PIK3R6: variants seen among roughly 807,000 people sequenced by gnomAD.
PIK3R6 encodes phosphoinositide 3-kinase regulatory subunit 6.
PIK3R6 carries 91 observed loss-of-function variants against 84.9 expected under a neutral mutation model. The ratio of observed to expected loss-of-function variants is 1.07; its 90% CI spans 0.90 to 1.28. PIK3R6 has a LOEUF of 1.28. Ranked by LOEUF, PIK3R6 falls within the 50% of genes most tolerant of loss-of-function variation. The probability of loss-of-function intolerance (pLI) is 0.00; values close to 1 mark genes in which losing one functional copy is unlikely to be tolerated. For synonymous variants in PIK3R6, 416 were observed against 411.4 expected, an observed-to-expected ratio of 1.01 and a Z score of -0.13; for missense variants, 996 against 985.1, an observed-to-expected ratio of 1.01 and a Z score of -0.15.
intron 1 of PIK3R6, among the ~76,000 whole-genome samples, chr17:8,851,766 A>C (rs995330032): frequency 6.6e-6 from 1 of 152,240 alleles, no homozygotes; most frequent in African/African-American, 2.4e-5. Flanking sequence ...TTTTAGGTAA[A>C]GACCCAAACG....
rs75735101 is a variant in PIK3R6 at position 8,834,776 on chromosome 17, T to G, written c.645+497A>C. 9.9e-5 allele frequency among the ~76,000 whole-genome samples: 15 copies of G among 152,220 alleles called. No individual in the cohort carries two copies. The East Asian group carries it at 2.9e-3, about 29-fold the overall frequency. On this transcript the variant is annotated intron_variant, in intron 8 of 19. Coordinates refer to ENST00000619866, the MANE Select transcript of PIK3R6 (RefSeq NM_001010855.4). Reference sequence around the variant, plus strand: ...CTGTTGTGGTGACCCAGATTCCTGCTTTCGGGGCTGAGACACTCATTCACC... The same window carrying G: ...CTGTTGTGGTGACCCAGATTCCTGCGTTCGGGGCTGAGACACTCATTCACC...
chr17:8,827,534 G>C (rs1408632325), intron 12 of PIK3R6, among the ~76,000 whole-genome samples: 2 of 152,174 alleles, frequency 1.3e-5, no homozygotes, highest in Non-Finnish European at 2.9e-5. Context: ...AAAGGGGAGA[G>C]ACAAGTATGG....
intron 2 of PIK3R6, among the ~76,000 whole-genome samples, chr17:8,845,716 G>A (rs148019268): frequency 6.6e-6 from 1 of 152,140 alleles, no homozygotes; most frequent in African/African-American, 2.4e-5. Context: ...GGAGGCAGAG[G>A]GGGGCAGATC....
chr17:8,839,076 C>T lies in PIK3R6; in HGVS notation c.98-421G>A, dbSNP rs550651275. Among the ~76,000 whole-genome samples the T allele has an allele frequency of 5.9e-5, 9 of 152,112 alleles. No individual in the cohort carries two copies. The South Asian group carries it at 1.5e-3, about 25-fold the overall frequency. ...ACAAAGAGGGTGGCAGGCCGGGTGC[C>T]GTGGCTCATGCCTGCAATCCCAGCA... On this transcript the variant is annotated intron_variant, in intron 3 of 19. Coordinates refer to ENST00000619866, the MANE Select transcript of PIK3R6 (RefSeq NM_001010855.4). The surrounding 1 kb of genome is among the most constrained non-coding windows in gnomAD (Gnocchi z 4.2).
rs1205605636 is a variant in PIK3R6 at position 8,803,563 on chromosome 17, G to C, written c.2109-134C>G. 1 of 880,350 alleles carries C rather than the reference G, an allele frequency of 1.1e-6. No individual in the cohort carries two copies. The highest frequency in any genetic ancestry group is 1.7e-6 in the Non-Finnish European group (1 of 599,364). The allele number at this position is 880,350 out of a possible 1,614,324, so 54.5% of individuals were successfully genotyped here. ...GCATAGAGGAGGCGGCTACACAGAA[G>C]AAAGAGGAAGAGTCAGGACAAGAAA... On this transcript the variant is annotated intron_variant, in intron 19 of 19. Coordinates refer to ENST00000619866, the MANE Select transcript of PIK3R6 (RefSeq NM_001010855.4). This position sits in a 1 kb window ranked among gnomAD's most constrained non-coding sequence, Gnocchi z 5.0.
Position 8,839,710 on chromosome 17 carries a change from A to AG in PIK3R6, c.14-14dup. The stretch of plus-strand genomic sequence containing the variant: ...TCCAGCTCCACATCTGGGCAGTGGT[A>AG]GGGGTGGGAGGAAACTCAGTCCACT... On this transcript the variant is annotated splice_polypyrimidine_tract_variant and intron_variant, in intron 2 of 19. Transcript: ENST00000619866. The surrounding 1 kb of genome is among the most constrained non-coding windows in gnomAD (Gnocchi z 4.2). The AG allele has an allele frequency of 6.4e-7, 1 of 1,557,534 alleles. No individual in the cohort carries two copies. Among genetic ancestry groups the AG allele is most frequent in the Non-Finnish European group, 8.7e-7 (1 of 1,149,448 alleles).
intron 1 of PIK3R6, among the ~76,000 whole-genome samples, chr17:8,855,762 T>C (rs2089123685): frequency 1.3e-5 from 2 of 152,382 alleles, no homozygotes; most frequent in Admixed American, 1.3e-4. Flanking sequence ...ACAGCCGTTC[T>C]GGAAAACAGT....
chr17:8,815,491 T>G (rs2087502635), intron 18 of PIK3R6, among the ~76,000 whole-genome samples: 1 of 145,604 alleles, frequency 6.9e-6, no homozygotes, highest in African/African-American at 2.6e-5. Context: ...GGCAACAGAG[T>G]GAGACTCAGT....
At chr17:8,824,628 A>G (rs2087858932) in intron 13 of PIK3R6, among the ~76,000 whole-genome samples, 1 of 152,198 alleles carries the variant, frequency 6.6e-6, no homozygotes, top group Non-Finnish European at 1.5e-5. Context: ...GGCCATTCAA[A>G]TTGTTAATTA....
intron 3 of PIK3R6, 33 bp from the exon 4 acceptor site, chr17:8,838,688 C>T (rs1302124343): frequency 3.9e-6 from 6 of 1,552,642 alleles, no homozygotes; most frequent in South Asian, 2.4e-5. Context: ...CCGGCATGAG[C>T]AGGTGGGCAG....
Position 8,827,404 on chromosome 17 carries a change from G to A in PIK3R6, c.1393-110C>T, listed in dbSNP as rs1045567531. Reference sequence around the variant, plus strand: ...ATGGTCAAGTCATTTAACCTCTTGGGGCATGAATTTCTGCATGTGAAGACA... The same window carrying A: ...ATGGTCAAGTCATTTAACCTCTTGGAGCATGAATTTCTGCATGTGAAGACA... On this transcript the variant is annotated intron_variant, in intron 12 of 19. Transcript: ENST00000619866. 4 of 1,282,070 alleles carry A rather than the reference G, an allele frequency of 3.1e-6. No individual in the cohort carries two copies. The African/African-American group carries it at 6.0e-5, about 19-fold the overall frequency. 79.4% of individuals were successfully genotyped at this position (1,282,070 alleles called of 1,614,324 possible). A position where few individuals can be genotyped will look rare whatever the true frequency, so the allele number is the denominator to read the frequency against.
At position 8,819,689 on chromosome 17, in the gene PIK3R6, T is replaced by TATAC. The variant is rs374733654; in HGVS notation, c.1880-492_1880-491insGTAT. On this transcript the variant is annotated intron_variant, in intron 17 of 19. Transcript: ENST00000619866. ...TTTTGTGCATATATATATATATATA[T>TATAC]ACACACACACACACACACATATATA... is the stretch of plus-strand genomic sequence containing the variant. Among the ~76,000 whole-genome samples, 110 of 135,876 alleles carry TATAC rather than the reference T, an allele frequency of 8.1e-4. 1 individual carries two copies. In the East Asian group the frequency reaches 0.014, roughly 18 times the overall value. 89.1% of individuals were successfully genotyped at this position (135,876 alleles called of 152,430 possible).
rs1469094068 is a variant in PIK3R6, at chr17:8,854,234, C to T, written c.-91-4349G>A. The stretch of plus-strand genomic sequence containing the variant: ...CGTGATCTTGGCTCACTGCAACCTC[C>T]GCCTCCTGGGTTCAAGCAATTCTCC... On this transcript the variant is annotated intron_variant, in intron 1 of 19. Transcript: ENST00000619866. Among the ~76,000 whole-genome samples, 15 of 152,098 alleles carry T rather than the reference C, an allele frequency of 9.9e-5. No homozygotes were observed. In the South Asian group the frequency reaches 2.3e-3, roughly 23 times the overall value.
intron 10 of PIK3R6, among the ~76,000 whole-genome samples, chr17:8,829,256 T>C (rs1328698856): frequency 1.3e-5 from 2 of 148,270 alleles, no homozygotes; most frequent in African/African-American, 5.0e-5. Context: ...CATGCACGCA[T>C]ACACACACAG....
At chr17:8,812,474 C>T (rs2087388043) in intron 18 of PIK3R6, among the ~76,000 whole-genome samples, 1 of 152,206 alleles carries the variant, frequency 6.6e-6, no homozygotes, top group Admixed American at 6.5e-5. Context: ...GCACATGGAA[C>T]ATTCTCAAAA....
intron 2 of PIK3R6, among the ~76,000 whole-genome samples, chr17:8,843,195 C>T (rs761050715): frequency 6.6e-6 from 1 of 152,214 alleles, no homozygotes; most frequent in East Asian, 1.9e-4. Context: ...TATGCATTTC[C>T]ACCTTGCATG....
chr17:8,833,142 C>T (rs71371873), intron 8 of PIK3R6, 97 bp from the exon 9 acceptor site: 181,153 of 1,421,074 alleles, frequency 0.13, 13,787 homozygotes, highest in East Asian at 0.37. Context: ...CCCAAGGTGA[C>T]ACCTCTCCGC....
intron 2 of PIK3R6, among the ~76,000 whole-genome samples, chr17:8,843,987 G>A (rs981171099): frequency 6.6e-6 from 1 of 152,196 alleles, no homozygotes; most frequent in African/African-American, 2.4e-5. Context: ...GAGTGGCCCA[G>A]CCCAAGGGTG....
In PIK3R6 at chr17:8,837,872, C is replaced by T. The variant is rs570386804; in HGVS notation, c.190-1G>A. ...CATGCCGGAGGTCCTGGCTTTCCGC[C>T]TGGAAAACAGGAGATCACGTGACAG... On this transcript the variant is annotated splice_acceptor_variant, in intron 4 of 19. Coordinates refer to ENST00000619866, the MANE Select transcript of PIK3R6 (RefSeq NM_001010855.4). LOFTEE classifies it high-confidence loss of function. 2.5e-5 allele frequency: 40 copies of T among 1,613,488 alleles called. No homozygotes were observed. In the South Asian group the frequency reaches 4.0e-4, roughly 16 times the overall value.
Sources: gnomAD v4.1 joint callset for allele counts (sites outside exome capture counted in the v4.1 genomes callset) on GRCh38, gnomAD v4.1.1 for gene constraint, Gnocchi (gnomAD v3.1) non-coding constraint, MANE v1.5 for transcripts, NCBI Gene and HGNC (gene_info 2026-07-23, HGNC 2026-07-21) for gene names.